ZNF446: variants seen among roughly 807,000 people sequenced by gnomAD.
ZNF446 encodes the protein zinc finger protein 446.
In ZNF446, 42 loss-of-function variants were observed where a neutral mutation model predicts 34.0. The ratio of observed to expected loss-of-function variants is 1.23; its 90% CI spans 0.96 to 1.60. ZNF446 has a LOEUF of 1.60. Among genes scored for constraint, ZNF446 ranks in the 40% most tolerant of loss-of-function variants. ZNF446 has a pLI of 0.00. For synonymous variants in ZNF446, 315 were observed against 251.0 expected, an observed-to-expected ratio of 1.25 and a Z score of -2.41; for missense variants, 650 against 600.2, an observed-to-expected ratio of 1.08 and a Z score of -0.87.
Position 58,480,563 on chromosome 19 carries a change from G to T in ZNF446, c.1190G>T (p.Cys397Phe). The change falls in exon 7 of 7, where the codon TGT becomes TTT. Residue 397 changes from cysteine (C) to phenylalanine (F), a missense_variant. Physicochemically the swap from Cys to Phe is radical, Grantham distance 205. Coordinates refer to ENST00000594369, the MANE Select transcript of ZNF446 (RefSeq NM_017908.4). The surrounding 1 kb of genome is among the most constrained non-coding windows in gnomAD (Gnocchi z 7.2). ...RSLTGPRSYP[C>F]EECGCSFSWK... ...CTCACAGGCCCCCGGAGTTACCCGT[G>T]TGAGGAGTGCGGGTGCAGCTTCAGC... 1.2e-6 allele frequency: 2 copies of T among 1,613,004 alleles called. No individual in the cohort carries two copies. Among genetic ancestry groups the T allele is most frequent in the Non-Finnish European group, 1.7e-6 (2 of 1,179,964 alleles).
chr19:58,480,601 C>G lies in ZNF446; in HGVS notation c.1228C>G (p.Leu410Val), dbSNP rs2053131561. 6.2e-7 allele frequency: 1 copy of G among 1,612,766 alleles called. No homozygotes were observed. The highest frequency in any genetic ancestry group is 8.5e-7 in the Non-Finnish European group (1 of 1,179,946). The change falls in exon 7 of 7, where the codon CTG becomes GTG. Residue 410 changes from leucine to valine, a missense_variant. Coordinates refer to ENST00000594369, the MANE Select transcript of ZNF446 (RefSeq NM_017908.4). The surrounding 1 kb of genome is among the most constrained non-coding windows in gnomAD (Gnocchi z 7.2). ...GTGCAGCTTCAGCTGGAAGTCGCAG[C>G]TGGTCATCCACCGCAAGAGCCACAC... Reference protein sequence around the residue: ...CGCSFSWKSQLVIHRKSHTGQ... With the variant: ...CGCSFSWKSQVVIHRKSHTGQ...
downstream of ZNF446, among the ~76,000 whole-genome samples, chr19:58,485,371 A>G (rs570042706): frequency 6.6e-6 from 1 of 151,238 alleles, no homozygotes; most frequent in Non-Finnish European, 1.5e-5. Flanking sequence ...TTAGCCGGGT[A>G]TAGTGGCACA....
Position 58,479,638 on chromosome 19 carries a change from C to G in ZNF446, c.628-5C>G. ...GACGCCTACAGTGATGGGCCACATC[C>G]GCAGGAGGAGTGGGGGCTGCTGGAC... On this transcript the variant is annotated splice_region_variant and splice_polypyrimidine_tract_variant and intron_variant, in intron 4 of 6. Transcript: ENST00000594369. 2.5e-6 allele frequency: 4 copies of G among 1,613,466 alleles called. No individual in the cohort carries two copies. Among genetic ancestry groups the G allele is most frequent in the Admixed American group, 1.7e-5 (1 of 59,944 alleles).
rs1456220103 is a variant in ZNF446, at chr19:58,477,333, G to A, written c.115G>A (p.Gly39Ser). ...FRGFCYQEVA[G>S]PREALARLRE... ...AGGGTTCTGCTACCAGGAGGTGGCA[G>A]GTCCCCGAGAAGCCCTGGCCCGGCT... is the stretch of plus-strand genomic sequence containing the variant. Residue 39 changes from glycine (G) to serine (S), a missense_variant, in exon 2 of 7, where the codon GGT becomes AGT. Transcript: ENST00000594369. 1.2e-6 allele frequency: 2 copies of A among 1,613,362 alleles called. No homozygotes were observed. The highest frequency in any genetic ancestry group is 1.3e-5 in the African/African-American group (1 of 75,026).
At chr19:58,476,735 C>G (rs1185991933) in intron 1 of ZNF446, among the ~76,000 whole-genome samples, 1 of 152,156 alleles carries the variant, frequency 6.6e-6, no homozygotes, top group Non-Finnish European at 1.5e-5. Context: ...TCAACCTCCC[C>G]GAGATTGTGG....
downstream of ZNF446, among the ~76,000 whole-genome samples, chr19:58,481,660 ATGCAC>A (rs1417213393): frequency 6.6e-6 from 1 of 152,234 alleles, no homozygotes; most frequent in African/African-American, 2.4e-5. Flanking sequence ...GGACTCGCCA[ATGCAC>A]TGTATTAGTT....
chr19:58,479,589 G>C, intron 4 of ZNF446, 54 bp from the exon 5 acceptor site: 1 of 1,587,006 alleles, frequency 6.3e-7, no homozygotes, highest in Non-Finnish European at 8.6e-7. Context: ...ATGTGAACCA[G>C]ACAGGGCAGG....
chr19:58,481,993 A>G (rs2053143771), downstream of ZNF446, among the ~76,000 whole-genome samples: 1 of 152,160 alleles, frequency 6.6e-6, no homozygotes, highest in East Asian at 1.9e-4. Flanking sequence ...ACGGGGTTTC[A>G]CCGTGTTAGC....
In ZNF446 at chr19:58,476,777, G is replaced by A. The variant is rs1332060083; in HGVS notation, c.-41+273G>A. Among the ~76,000 whole-genome samples, 8 of 152,002 alleles carry A rather than the reference G, an allele frequency of 5.3e-5. No homozygotes were observed. The East Asian group carries it at 1.4e-3, about 26-fold the overall frequency. ...ACTCGTCCCCGTACATTACAGCCTG[G>A]CCCCACCTTCTACCCGCCCACCCTG... On this transcript the variant is annotated intron_variant, in intron 1 of 6. Coordinates refer to ENST00000594369, the MANE Select transcript of ZNF446 (RefSeq NM_017908.4).
chr19:58,477,373 G>A lies in ZNF446; in HGVS notation c.155G>A (p.Cys52Tyr). The change falls in exon 2 of 7, where the codon TGC (cysteine) becomes TAC (tyrosine). Residue 52 changes from cysteine to tyrosine, a missense_variant. By Grantham distance (194) the Cys-to-Tyr change is radical. Coordinates refer to ENST00000594369, the MANE Select transcript of ZNF446 (RefSeq NM_017908.4). ...CTGGCCCGGCTGCGTGAGCTGTGTT[G>A]CCAGTGGCTGCAGCCTGAGGCACAC... Reference protein sequence around the residue: ...EALARLRELCCQWLQPEAHSK... With the variant: ...EALARLRELCYQWLQPEAHSK... 1.9e-6 allele frequency: 3 copies of A among 1,613,342 alleles called. No individual in the cohort carries two copies. Among genetic ancestry groups the A allele is most frequent in the Admixed American group, 1.7e-5 (1 of 60,028 alleles).
downstream of ZNF446, among the ~76,000 whole-genome samples, chr19:58,486,037 C>A (rs976140425): frequency 1.3e-5 from 2 of 151,858 alleles, no homozygotes; most frequent in Non-Finnish European, 2.9e-5. Flanking sequence ...TCACCTCAGC[C>A]TCCTGAGTAG....
rs748544761 is a variant in ZNF446, at chr19:58,477,262, C to G, written c.44C>G (p.Pro15Arg). ...LGPPCLPVMD[P>R]ETTLEEPETA... ...CCCCCATGCCTGCCCGTCATGGACCCAGAGACCACCCTTGAGGAGCCTGAG... is the reference window on the plus strand; with the variant it reads ...CCCCCATGCCTGCCCGTCATGGACCGAGAGACCACCCTTGAGGAGCCTGAG... The change falls in exon 2 of 7, where the codon CCA becomes CGA. Residue 15 changes from proline (P) to arginine (R), a missense_variant. By Grantham distance (103) the Pro-to-Arg change is moderately radical. Transcript: ENST00000594369. 2 of 1,604,818 alleles carry G rather than the reference C, an allele frequency of 1.2e-6. No homozygotes were observed. The highest frequency in any genetic ancestry group is 2.7e-5 in the African/African-American group (2 of 74,882).
At chr19:58,479,811 T>C in intron 5 of ZNF446, 84 bp downstream of exon 5, 1 of 1,492,658 alleles carries the variant, frequency 6.7e-7, no homozygotes, top group Non-Finnish European at 9.2e-7. Flanking sequence ...AGGGCCTCTG[T>C]GCTACCAGCC....
intron 4 of ZNF446, chr19:58,479,420 A>G (rs576660357): frequency 3.0e-4 from 167 of 565,630 alleles, no homozygotes; most frequent in South Asian, 5.3e-4. Flanking sequence ...TCTGAGCAGG[A>G]TGGTGTAGTA....
chr19:58,484,729 G>A (rs1224558613), downstream of ZNF446, among the ~76,000 whole-genome samples: 1 of 151,904 alleles, frequency 6.6e-6, no homozygotes, highest in Non-Finnish European at 1.5e-5. Context: ...TTTTCCCCAA[G>A]TTAATCTATA....
rs112871920 is a variant in ZNF446 at position 58,480,218 on chromosome 19, C to T, written c.845C>T (p.Pro282Leu). 194 of 1,596,498 alleles carry T rather than the reference C, an allele frequency of 1.2e-4. No individual in the cohort carries two copies. The African/African-American group carries it at 2.1e-3, about 17-fold the overall frequency. Reference sequence around the variant, plus strand: ...CCACCTGGCTGCCCAGAGGCCCAGCCGCCCCAGGGCCCAGGGCCGGCAGCC... The same window carrying T: ...CCACCTGGCTGCCCAGAGGCCCAGCTGCCCCAGGGCCCAGGGCCGGCAGCC... ...EGPPGCPEAQPPQGPGPAAWE... is the reference protein window; with the variant it reads ...EGPPGCPEAQLPQGPGPAAWE... The change falls in exon 7 of 7, where the codon CCG (proline) becomes CTG (leucine). Residue 282 changes from proline to leucine, a missense_variant. Pro to Leu is a moderately conservative substitution (Grantham distance 98, BLOSUM62 -3). Transcript: ENST00000594369. This position sits in a 1 kb window ranked among gnomAD's most constrained non-coding sequence, Gnocchi z 7.2.
At chr19:58,478,059 C>T (rs759363087) in intron 3 of ZNF446, 28 bp from the exon 4 acceptor site, 4 of 1,595,156 alleles carry the variant, frequency 2.5e-6, no homozygotes, top group Admixed American at 3.4e-5. Context: ...GCCCCTGACA[C>T]CACCCTTCCA....
chr19:58,477,990 G>A (rs111330625), intron 3 of ZNF446, 97 bp from the exon 4 acceptor site: 1 of 1,363,440 alleles, frequency 7.3e-7, no homozygotes, highest in Non-Finnish European at 1.0e-6. Flanking sequence ...GCCAAGGGCT[G>A]GCTACGTGCC....
At chr19:58,476,634 AGT>A (rs1161839218) in intron 1 of ZNF446, 130 bp downstream of exon 1, 3 of 152,174 alleles carry the variant, frequency 2.0e-5, no homozygotes, top group African/African-American at 7.2e-5. Flanking sequence ...GGGCCCCGGC[AGT>A]GTGAGTCGCC....
Sources: allele counts gnomAD v4.1 joint callset (sites outside exome capture counted in the v4.1 genomes callset), GRCh38; gene constraint gnomAD v4.1.1; non-coding constraint Gnocchi (gnomAD v3.1); transcripts MANE v1.5; gene names NCBI Gene and HGNC (gene_info 2026-07-23, HGNC 2026-07-21).